The following KCNU1 variants were observed in gnomAD, a reference collection of about 807,000 sequenced individuals.
KCNU1 encodes potassium channel subfamily U member 1.
In KCNU1, 93 loss-of-function variants were observed where a neutral mutation model predicts 126.8. The observed-to-expected ratio is 0.73, with a 90% CI of 0.62 to 0.87. KCNU1 has a LOEUF of 0.87. KCNU1 is among the 40% of genes least tolerant of loss of function. The pLI is 0.00. For synonymous variants in KCNU1, 523 were observed against 494.2 expected (o/e 1.06, Z -0.77); for missense variants, 1,330 against 1,367.1 (o/e 0.97, Z 0.43).
chr8:36,893,973 C>A (rs987471721), intron 19 of KCNU1, among the ~76,000 whole-genome samples: 6 of 152,110 alleles, frequency 3.9e-5, no homozygotes, highest in African/African-American at 1.4e-4. Flanking sequence ...TCCTTCATCT[C>A]TAACTTGACA....
At chr8:36,862,270 T>C (rs1206062282) in intron 18 of KCNU1, among the ~76,000 whole-genome samples, 1 of 152,192 alleles carries the variant, frequency 6.6e-6, no homozygotes, top group Non-Finnish European at 1.5e-5. Flanking sequence ...CTTCATTGCT[T>C]ATCTACTGCC....
At chr8:36,884,553 T>C (rs570198450) in intron 19 of KCNU1, among the ~76,000 whole-genome samples, 1 of 152,168 alleles carries the variant, frequency 6.6e-6, no homozygotes, top group Admixed American at 6.5e-5. Context: ...CTGGCCAACA[T>C]GGTGAAACCA....
At chr8:36,861,153 C>G (rs1805716688) in intron 18 of KCNU1, among the ~76,000 whole-genome samples, 1 of 152,144 alleles carries the variant, frequency 6.6e-6, no homozygotes, top group African/African-American at 2.4e-5. Flanking sequence ...TGCATACTTT[C>G]TTCTCTAAGA....
intron 19 of KCNU1, among the ~76,000 whole-genome samples, chr8:36,895,172 C>G (rs979903364): frequency 6.6e-6 from 1 of 151,924 alleles, no homozygotes; most frequent in African/African-American, 2.4e-5. Context: ...ACTGCCCCCC[C>G]AGTTCAAGTG....
chr8:36,914,723 C>T (rs1563333693), intron 22 of KCNU1, among the ~76,000 whole-genome samples: 1 of 152,150 alleles, frequency 6.6e-6, no homozygotes, highest in Non-Finnish European at 1.5e-5. Context: ...CCTGTCACAT[C>T]ACAAGGAGAA....
intron 2 of KCNU1, among the ~76,000 whole-genome samples, chr8:36,791,058 A>C (rs1021324360): frequency 1.3e-5 from 2 of 151,778 alleles, no homozygotes; most frequent in Admixed American, 6.6e-5. Context: ...GTGAGAAGGG[A>C]ACTCCAACAG....
intron 7 of KCNU1, among the ~76,000 whole-genome samples, chr8:36,811,775 T>C (rs1803726093): frequency 6.6e-6 from 1 of 151,530 alleles, no homozygotes; most frequent in Non-Finnish European, 1.5e-5. Flanking sequence ...CTACTAAAAA[T>C]AGAAAAATTA....
intron 10 of KCNU1, among the ~76,000 whole-genome samples, chr8:36,829,330 T>G (rs1311134444): frequency 6.6e-6 from 1 of 151,938 alleles, no homozygotes; most frequent in Non-Finnish European, 1.5e-5. Flanking sequence ...GTTTTTTGTT[T>G]AGAAACTTTT....
At chr8:36,900,387 C>T (rs996802837) in intron 19 of KCNU1, among the ~76,000 whole-genome samples, 4 of 151,462 alleles carry the variant, frequency 2.6e-5, no homozygotes, top group African/African-American at 9.7e-5. Context: ...AATAAAACGC[C>T]TCATAAAGAA....
intron 19 of KCNU1, among the ~76,000 whole-genome samples, chr8:36,884,195 G>T (rs371905843): frequency 1.6e-4 from 24 of 152,164 alleles, no homozygotes; most frequent in African/African-American, 5.5e-4. Context: ...ATTAGGTTTT[G>T]CTGGGAACTT....
intron 19 of KCNU1, among the ~76,000 whole-genome samples, chr8:36,900,114 G>A (rs1372640784): frequency 6.6e-5 from 10 of 151,926 alleles, no homozygotes; most frequent in Admixed American, 4.6e-4. Flanking sequence ...AATTTTACCC[G>A]GTAAAGGAGT....
rs147097688 is a variant in KCNU1, at chr8:36,844,394, A to AC, written c.1704-1186_1704-1185insC. 0.02 allele frequency among the ~76,000 whole-genome samples: 2,863 copies of AC among 143,834 alleles called. 236 individuals are homozygous for AC. In the East Asian group the frequency reaches 0.27, roughly 14 times the overall value. The allele number at this position is 143,834 out of a possible 152,430, so 94.4% of individuals were successfully genotyped here. A position where few individuals can be genotyped will look rare whatever the true frequency, so the allele number is the denominator to read the frequency against. On this transcript the variant is annotated intron_variant, in intron 16 of 26. Coordinates refer to ENST00000399881, the MANE Select transcript of KCNU1 (RefSeq NM_001031836.3). ...AAACTCCGTCTCAAAAAAAAACAAAAAAAAAAGGCTATGTAAGACACAACT... is the reference window on the plus strand; with the variant it reads ...AAACTCCGTCTCAAAAAAAAACAAAACAAAAAAGGCTATGTAAGACACAACT...
intron 12 of KCNU1, among the ~76,000 whole-genome samples, chr8:36,835,769 T>A (rs1320657937): frequency 6.6e-6 from 1 of 152,208 alleles, no homozygotes; most frequent in Admixed American, 6.5e-5. Flanking sequence ...CTAATCCAGA[T>A]GAACTTCCAA....
intron 18 of KCNU1, among the ~76,000 whole-genome samples, chr8:36,859,742 A>G (rs1046743384): frequency 4.6e-5 from 7 of 152,202 alleles, no homozygotes; most frequent in African/African-American, 1.2e-4. Context: ...TGAATTCTGG[A>G]TTGGCCATTT....
intron 18 of KCNU1, among the ~76,000 whole-genome samples, chr8:36,859,187 G>T (rs917270149): frequency 1.3e-5 from 2 of 152,166 alleles, no homozygotes; most frequent in African/African-American, 2.4e-5. Flanking sequence ...TTAGAAAGAG[G>T]CTGCTTGACC....
chr8:36,843,005 A>G (rs1266550989), intron 16 of KCNU1, among the ~76,000 whole-genome samples: 1 of 152,090 alleles, frequency 6.6e-6, no homozygotes, highest in Non-Finnish European at 1.5e-5. Flanking sequence ...CCAAAACCCT[A>G]CTTTTGACTG....
intron 10 of KCNU1, among the ~76,000 whole-genome samples, chr8:36,826,933 C>T (rs548126613): frequency 7.2e-5 from 11 of 152,238 alleles, no homozygotes; most frequent in Admixed American, 2.6e-4. Context: ...CAACAAAATA[C>T]GCATAAATAT....
intron 12 of KCNU1, among the ~76,000 whole-genome samples, chr8:36,835,996 T>C (rs917469984): frequency 6.6e-6 from 1 of 152,192 alleles, no homozygotes; most frequent in Non-Finnish European, 1.5e-5. Flanking sequence ...AGGTTTGGGT[T>C]TGAAAGCTAA....
intron 19 of KCNU1, among the ~76,000 whole-genome samples, chr8:36,902,184 T>C (rs902274489): frequency 6.6e-6 from 1 of 152,102 alleles, no homozygotes; most frequent in African/African-American, 2.4e-5. Flanking sequence ...TAAATATCGG[T>C]CTCCAACAGG....
Sources: gnomAD v4.1 joint callset for allele counts (sites outside exome capture counted in the v4.1 genomes callset) on GRCh38, gnomAD v4.1.1 for gene constraint, MANE v1.5 for transcripts, NCBI Gene and HGNC (gene_info 2026-07-23, HGNC 2026-07-21) for gene names.